NCAM2: variants seen among roughly 807,000 people sequenced by gnomAD.
NCAM2 encodes neural cell adhesion molecule 2, also known as N-CAM-2.
In NCAM2, 30 loss-of-function variants were observed where a neutral mutation model predicts 98.1. The observed-to-expected ratio is 0.31, with a 90% CI of 0.23 to 0.41. The LOEUF (loss-of-function observed/expected upper bound fraction) is 0.41. NCAM2 is among the 10% of genes least tolerant of loss of function. The pLI is 1.00. For missense variants in NCAM2, 867 were observed against 1,005.8 expected (o/e 0.86, Z 1.87); for synonymous variants, 368 against 342.4 (o/e 1.07, Z -0.83).
intron 1 of NCAM2, among the ~76,000 whole-genome samples, chr21:21,153,908 A>G (rs1013072): frequency 0.94 from 142,025 of 151,894 alleles, 66,971 homozygotes; most frequent in East Asian, 1. Flanking sequence ...AGCCAAATAA[A>G]GTGTGGGAGA....
intron 8 of NCAM2, among the ~76,000 whole-genome samples, chr21:21,340,470 A>T (rs1176658346): frequency 6.6e-6 from 1 of 151,964 alleles, no homozygotes; most frequent in African/African-American, 2.4e-5. Context: ...ACTGTGAAAA[A>T]TAATCTTAAA....
intron 1 of NCAM2, among the ~76,000 whole-genome samples, chr21:21,260,060 G>T (rs552641841): frequency 1.5e-4 from 23 of 150,838 alleles, no homozygotes; most frequent in African/African-American, 5.6e-4. Flanking sequence ...AATAAAAGTG[G>T]AATTATGAGC....
chr21:21,260,533 A>G (rs1029416612), intron 1 of NCAM2, among the ~76,000 whole-genome samples: 2 of 148,754 alleles, frequency 1.3e-5, no homozygotes, highest in Non-Finnish European at 3.0e-5. Context: ...AGGCCAGAAG[A>G]GACTGGGGGC....
intron 1 of NCAM2, among the ~76,000 whole-genome samples, chr21:21,042,522 C>A (rs1418803417): frequency 2.0e-5 from 3 of 152,090 alleles, no homozygotes; most frequent in African/African-American, 4.8e-5. Context: ...ATATAAGCCT[C>A]ATTTTTCTGA....
At position 21,125,411 on chromosome 21, in the gene NCAM2, T is replaced by TA. The variant is rs1569049125; in HGVS notation, c.55+126793_55+126794insA. Among the ~76,000 whole-genome samples the TA allele has an allele frequency of 1.4e-3, 194 of 137,392 alleles. 9 individuals are homozygous for TA. Among genetic ancestry groups the TA allele is most frequent in the Middle Eastern group, 3.7e-3 (1 of 270 alleles). The allele number at this position is 137,392 out of a possible 152,430, so 90.1% of individuals were successfully genotyped here. A position where few individuals can be genotyped will look rare whatever the true frequency, so the allele number is the denominator to read the frequency against. On this transcript the variant is annotated intron_variant, in intron 1 of 17. Transcript: ENST00000400546. ...TTACATATATATGTAATATATAATA[T>TA]TTTACATATATTCATACATATGTAA...
intron 15 of NCAM2, among the ~76,000 whole-genome samples, chr21:21,484,239 A>G (rs1478528896): frequency 6.6e-6 from 1 of 152,188 alleles, no homozygotes; most frequent in Non-Finnish European, 1.5e-5. Context: ...GAAATGTTTT[A>G]TACAAGATTT....
rs141462231 is a variant in NCAM2 at position 21,111,527 on chromosome 21, C to T, written c.55+112909C>T. 5.1e-3 allele frequency among the ~76,000 whole-genome samples: 775 copies of T among 152,050 alleles called. 6 individuals are homozygous for T. The highest frequency in any genetic ancestry group is 0.016 in the African/African-American group (684 of 41,482). On this transcript the variant is annotated intron_variant, in intron 1 of 17. Coordinates refer to ENST00000400546, the MANE Select transcript of NCAM2 (RefSeq NM_004540.5). ...ACCAAGAGGGCAGGGCTCCAGAAGC[C>T]GAATGCAGGCAGTGCAAGGAGAGAG...
chr21:21,081,671 C>G (rs4131316), intron 1 of NCAM2, among the ~76,000 whole-genome samples: 4 of 151,468 alleles, frequency 2.6e-5, no homozygotes, highest in Non-Finnish European at 5.9e-5. Context: ...CGTGGCGGTG[C>G]GTGCCTGTAA....
intron 1 of NCAM2, among the ~76,000 whole-genome samples, chr21:21,151,345 T>G (rs2067443104): frequency 1.3e-5 from 2 of 152,090 alleles, no homozygotes; most frequent in Admixed American, 1.3e-4. Context: ...ACATGTGCCA[T>G]GTTGGTGTGC....
intron 4 of NCAM2, among the ~76,000 whole-genome samples, chr21:21,290,556 C>T (rs1005818559): frequency 6.6e-6 from 1 of 151,808 alleles, no homozygotes; most frequent in African/African-American, 2.4e-5. Context: ...ACATTTTTGT[C>T]TCTCTTCTTA....
At chr21:21,011,627 C>T (rs1211569394) in intron 1 of NCAM2, among the ~76,000 whole-genome samples, 2 of 152,016 alleles carry the variant, frequency 1.3e-5, no homozygotes, top group Non-Finnish European at 2.9e-5. Context: ...GTATACAATA[C>T]ATTTTTAACT....
chr21:21,324,096 A>T (rs1035523866), intron 5 of NCAM2, among the ~76,000 whole-genome samples: 1 of 152,188 alleles, frequency 6.6e-6, no homozygotes, highest in Non-Finnish European at 1.5e-5. Flanking sequence ...GAATTGATAT[A>T]ATTATTGCAC....
At chr21:21,069,623 A>G (rs998005585) in intron 1 of NCAM2, among the ~76,000 whole-genome samples, 13 of 152,182 alleles carry the variant, frequency 8.5e-5, no homozygotes, top group African/African-American at 2.9e-4. Context: ...GAGGAATTCC[A>G]GAAATAAAAT....
intron 16 of NCAM2, among the ~76,000 whole-genome samples, chr21:21,528,623 T>C (rs1329437057): frequency 6.6e-6 from 1 of 152,202 alleles, no homozygotes; most frequent in Non-Finnish European, 1.5e-5. Flanking sequence ...ATATGGTTAA[T>C]AGTTTGTAAC....
rs374639516 is a variant in NCAM2, at chr21:21,125,712, T to G, written c.55+127094T>G. On this transcript the variant is annotated intron_variant, in intron 1 of 17. Transcript: ENST00000400546. ...TGTAATAATATTTTACATATATATA[T>G]ATAGAGAGAGAGAGATTGAGGTTTT... 2.9e-3 allele frequency among the ~76,000 whole-genome samples: 104 copies of G among 36,106 alleles called. 2 individuals are homozygous for G. The highest frequency in any genetic ancestry group is 0.018 in the Admixed American group (76 of 4,144). The allele number at this position is 36,106 out of a possible 152,430, so 23.7% of individuals were successfully genotyped here. A position where few individuals can be genotyped will look rare whatever the true frequency, so the allele number is the denominator to read the frequency against.
At chr21:21,333,970 T>C (rs893109256) in intron 6 of NCAM2, among the ~76,000 whole-genome samples, 4 of 152,072 alleles carry the variant, frequency 2.6e-5, no homozygotes, top group African/African-American at 9.7e-5. Flanking sequence ...TATTATTTTT[T>C]TTTTCGGACA....
chr21:21,488,777 A>G (rs1242319704), intron 15 of NCAM2, among the ~76,000 whole-genome samples: 2 of 151,904 alleles, frequency 1.3e-5, no homozygotes, highest in Non-Finnish European at 2.9e-5. Context: ...GTATTAAACT[A>G]AATATTATCA....
At chr21:21,192,659 C>A (rs747666401) in intron 1 of NCAM2, among the ~76,000 whole-genome samples, 3 of 151,792 alleles carry the variant, frequency 2.0e-5, no homozygotes, top group Admixed American at 6.6e-5. Context: ...GACAGCGTAA[C>A]AAACAAACAA....
intron 1 of NCAM2, among the ~76,000 whole-genome samples, chr21:21,145,539 TTA>T (rs1277973482): frequency 6.6e-6 from 1 of 152,160 alleles, no homozygotes; most frequent in Admixed American, 6.5e-5. Flanking sequence ...GGCATACTTT[TTA>T]TATAATAAAA....
Sources: gnomAD v4.1 joint callset for allele counts (sites outside exome capture counted in the v4.1 genomes callset) on GRCh38, gnomAD v4.1.1 for gene constraint, MANE v1.5 for transcripts, NCBI Gene and HGNC (gene_info 2026-07-23, HGNC 2026-07-21) for gene names.